Variants in NXPE2 observed in about 807,000 individuals in gnomAD.
The protein encoded by NXPE2 is neurexophilin and PC-esterase domain family member 2.
NXPE2 carries 34 observed loss-of-function variants against 34.4 expected under a neutral mutation model. The observed-to-expected ratio is 0.99, with a 90% CI of 0.75 to 1.31. The LOEUF is 1.31. NXPE2 is among the 40% of genes most tolerant of loss of function. NXPE2 has a pLI of 0.00. For missense variants in NXPE2, 649 were observed against 672.5 expected, an observed-to-expected ratio of 0.97 and a Z score of 0.39; for synonymous variants, 235 against 231.3, an observed-to-expected ratio of 1.02 and a Z score of -0.15.
the NXPE2 span, among the ~76,000 whole-genome samples, chr11:114,779,269 G>A: frequency 2.0e-5 from 3 of 146,698 alleles, no homozygotes; most frequent in African/African-American, 5.1e-5. Flanking sequence ...GAAGGGAAGA[G>A]CATTTAACTT....
the NXPE2 span, among the ~76,000 whole-genome samples, chr11:114,599,606 T>C: frequency 6.6e-6 from 1 of 152,176 alleles, no homozygotes; most frequent in African/African-American, 2.4e-5. Context: ...GGGAGCATGG[T>C]AGCTTCTGCT....
At chr11:114,664,701 A>G in the NXPE2 span, among the ~76,000 whole-genome samples, 7 of 152,318 alleles carry the variant, frequency 4.6e-5, no homozygotes, top group African/African-American at 1.4e-4. Flanking sequence ...GTGGTGCAAA[A>G]GTGATAAGCA....
chr11:114,779,699 T>A, the NXPE2 span, among the ~76,000 whole-genome samples: 3 of 152,000 alleles, frequency 2.0e-5, no homozygotes, highest in Non-Finnish European at 4.4e-5. Flanking sequence ...GAAAATGGAC[T>A]GAGGGTAACA....
the NXPE2 span, chr11:114,580,402 G>T: frequency 7.0e-7 from 1 of 1,427,032 alleles, no homozygotes; most frequent in Non-Finnish European, 9.8e-7. Flanking sequence ...TATGTATTAA[G>T]AGCCTTCTAT....
At chr11:114,679,870 A>C in intron 2 of NXPE2, 108 bp downstream of exon 2, 1 of 649,706 alleles carries the variant, frequency 1.5e-6, no homozygotes, top group Non-Finnish European at 2.7e-6. Context: ...TCATCTTAGC[A>C]GGAGAATGTG....
At chr11:114,513,291 T>A in the NXPE2 span, 1 of 468,040 alleles carries the variant, frequency 2.1e-6, no homozygotes. Flanking sequence ...TTCATGTGGG[T>A]GAAAGGTCTG....
the NXPE2 span, among the ~76,000 whole-genome samples, chr11:114,758,588 A>C: frequency 6.6e-6 from 1 of 152,134 alleles, no homozygotes; most frequent in African/African-American, 2.4e-5. Flanking sequence ...TAATTCTGTC[A>C]CTGATGAATG....
the NXPE2 span, among the ~76,000 whole-genome samples, chr11:114,504,624 G>T: frequency 6.6e-6 from 1 of 152,170 alleles, no homozygotes; most frequent in Non-Finnish European, 1.5e-5. Context: ...CACTCCAGGA[G>T]TTGGGAGCTG....
At chr11:114,724,342 C>T in the NXPE2 span, among the ~76,000 whole-genome samples, 14 of 152,232 alleles carry the variant, frequency 9.2e-5, no homozygotes, top group African/African-American at 2.6e-4. Context: ...TTTATTTCCT[C>T]GTACTCCGCA....
At chr11:114,521,867 T>G in the NXPE2 span, 1 of 924,822 alleles carries the variant, frequency 1.1e-6, no homozygotes, top group South Asian at 1.7e-5. Context: ...TCTTTTAAAT[T>G]TATTTTCCTT....
At chr11:114,467,785 A>T in the NXPE2 span, among the ~76,000 whole-genome samples, 3 of 151,980 alleles carry the variant, frequency 2.0e-5, no homozygotes, top group African/African-American at 7.2e-5. Flanking sequence ...AAATAAAAAA[A>T]TTTTGCCGGG....
downstream of NXPE2, among the ~76,000 whole-genome samples, chr11:114,710,796 T>A (rs1214532104): frequency 6.6e-6 from 1 of 151,750 alleles, no homozygotes; most frequent in African/African-American, 2.4e-5. Context: ...AAAAGAAAAC[T>A]ACAGGCTGAT....
chr11:114,709,824 C>T (rs1226240792), downstream of NXPE2, among the ~76,000 whole-genome samples: 2 of 151,918 alleles, frequency 1.3e-5, no homozygotes, highest in African/African-American at 2.4e-5. Flanking sequence ...ATCGCTTGAA[C>T]CCGGGAGGCG....
chr11:114,636,355 T>G, the NXPE2 span, among the ~76,000 whole-genome samples: 64,434 of 151,792 alleles, frequency 0.42, 15,015 homozygotes, highest in African/African-American at 0.61. Context: ...CTTCTCTCTT[T>G]TTTTCTTTAT....
the NXPE2 span, among the ~76,000 whole-genome samples, chr11:114,658,440 C>T: frequency 6.6e-6 from 1 of 152,266 alleles, no homozygotes. Flanking sequence ...TGGACCTCCA[C>T]TGGGCACTCA....
At chr11:114,580,488 A>G in the NXPE2 span, 3 of 639,674 alleles carry the variant, frequency 4.7e-6, no homozygotes, top group East Asian at 5.5e-5. Flanking sequence ...TCTTAATGGA[A>G]CAGCTGTTTT....
the NXPE2 span, among the ~76,000 whole-genome samples, chr11:114,738,688 C>G: frequency 8.5e-5 from 13 of 152,278 alleles, no homozygotes; most frequent in African/African-American, 2.6e-4. Flanking sequence ...GTACCCATTC[C>G]TCCATGTCAG....
the NXPE2 span, among the ~76,000 whole-genome samples, chr11:114,637,061 G>A: frequency 6.6e-6 from 1 of 151,830 alleles, no homozygotes; most frequent in Non-Finnish European, 1.5e-5. Context: ...TTGACAGTGG[G>A]GTGTTAAAGT....
At chr11:114,712,419 T>TATGTAAAAAAACAAATAG in the NXPE2 span, among the ~76,000 whole-genome samples, 1 of 151,760 alleles carries the variant, frequency 6.6e-6, no homozygotes, top group South Asian at 2.1e-4. Flanking sequence ...ATATCCAGAA[T>TATGTAAAAAAACAAATAG]ATGTAAAAAA....
Sources: allele counts gnomAD v4.1 joint callset (sites outside exome capture counted in the v4.1 genomes callset), GRCh38; gene constraint gnomAD v4.1.1; transcripts MANE v1.5; gene names NCBI Gene and HGNC (gene_info 2026-07-23, HGNC 2026-07-21).